RIT2: variants seen among roughly 807,000 people sequenced by gnomAD.
RIT2 encodes GTP-binding protein Rit2.
Under a neutral mutation model 23.7 loss-of-function variants are expected in RIT2, and 24 were observed. The ratio of observed to expected loss-of-function variants is 1.01; its 90% CI spans 0.73 to 1.43. The LOEUF (loss-of-function observed/expected upper bound fraction) is 1.43, where lower values mean the gene tolerates loss of function less well. RIT2 is among the 40% of genes most tolerant of loss of function. The pLI, the probability that RIT2 is intolerant of heterozygous loss-of-function variation, is 0.00. For synonymous variants in RIT2, 107 were observed against 91.1 expected (o/e 1.17, Z -0.99); for missense variants, 236 against 266.9 (o/e 0.88, Z 0.81).
intron 3 of RIT2, among the ~76,000 whole-genome samples, chr18:42,957,910 G>A (rs1376059943): frequency 6.6e-6 from 1 of 152,146 alleles, no homozygotes; most frequent in Non-Finnish European, 1.5e-5. Flanking sequence ...ACCTGTCGGA[G>A]AGAGCTTCAG....
chr18:42,813,533 A>G (rs1028600118), intron 4 of RIT2, among the ~76,000 whole-genome samples: 3 of 152,190 alleles, frequency 2.0e-5, no homozygotes, highest in Admixed American at 6.5e-5. Flanking sequence ...CATATTTTCA[A>G]TATATCAAAA....
intron 4 of RIT2, among the ~76,000 whole-genome samples, chr18:42,756,677 G>A (rs1458118942): frequency 2.0e-5 from 3 of 152,008 alleles, no homozygotes; most frequent in Non-Finnish European, 4.4e-5. Flanking sequence ...ATACATGTAT[G>A]TGCATGCCTA....
chr18:42,945,446 C>A (rs779369655), intron 3 of RIT2, among the ~76,000 whole-genome samples: 11 of 151,844 alleles, frequency 7.2e-5, no homozygotes, highest in Admixed American at 3.3e-4. Flanking sequence ...AAAGGCAAAA[C>A]ATAGACTGGC....
intron 4 of RIT2, among the ~76,000 whole-genome samples, chr18:42,760,160 A>G (rs7245114): frequency 0.039 from 5,938 of 152,196 alleles, 358 homozygotes; most frequent in African/African-American, 0.13. Flanking sequence ...GATTGTGGGG[A>G]TATTATATGT....
chr18:42,743,398 G>C lies in RIT2; in HGVS notation c.*95C>G, dbSNP rs1912837834. The C allele has an allele frequency of 1.2e-6, 1 of 863,876 alleles. No homozygotes were observed. Among genetic ancestry groups the C allele is most frequent in the African/African-American group, 1.7e-5 (1 of 59,064 alleles). 53.5% of individuals were successfully genotyped at this position (863,876 alleles called of 1,614,324 possible). A position where few individuals can be genotyped will look rare whatever the true frequency, so the allele number is the denominator to read the frequency against. On this transcript the variant is annotated 3_prime_UTR_variant, in exon 5 of 5. Transcript: ENST00000326695. ...ACAGGCAGATATTTAAAGAGAGAGA[G>C]ACACATAGAGAGATAATATTGAAGC...
intron 4 of RIT2, among the ~76,000 whole-genome samples, chr18:42,827,536 G>T (rs1906329347): frequency 6.6e-6 from 1 of 151,514 alleles, no homozygotes; most frequent in South Asian, 2.1e-4. Flanking sequence ...AAAAAACTAG[G>T]GAAGATATTT....
At position 42,974,158 on chromosome 18, in the gene RIT2, C is replaced by G; in HGVS notation, c.161-11G>C. 1 of 1,591,536 alleles carries G rather than the reference C, an allele frequency of 6.3e-7. No homozygotes were observed. The highest frequency in any genetic ancestry group is 8.6e-7 in the Non-Finnish European group (1 of 1,161,438). ...TCTTATAAGCATCTTCTGAAAAACA[C>G]AAGACAACATTTACATTTAAATGTG... On this transcript the variant is annotated splice_polypyrimidine_tract_variant and intron_variant, in intron 2 of 4. Coordinates refer to ENST00000326695, the MANE Select transcript of RIT2 (RefSeq NM_002930.4).
At chr18:42,866,121 C>T (rs1907462973) in intron 4 of RIT2, among the ~76,000 whole-genome samples, 1 of 152,130 alleles carries the variant, frequency 6.6e-6, no homozygotes, top group Non-Finnish European at 1.5e-5. Flanking sequence ...TGCCTTGGAC[C>T]TGAGTGGGTG....
At chr18:42,893,915 C>A (rs1437625160) in intron 4 of RIT2, among the ~76,000 whole-genome samples, 5 of 152,120 alleles carry the variant, frequency 3.3e-5, no homozygotes, top group Non-Finnish European at 4.4e-5. Context: ...ACAATTGACA[C>A]TGAAATGTGA....
intron 4 of RIT2, among the ~76,000 whole-genome samples, chr18:42,759,284 T>C (rs1404094487): frequency 6.6e-6 from 1 of 152,182 alleles, no homozygotes; most frequent in Non-Finnish European, 1.5e-5. Context: ...AATGACCATT[T>C]CTGTCAATGT....
intron 3 of RIT2, among the ~76,000 whole-genome samples, chr18:42,934,185 T>C (rs192567008): frequency 1.3e-3 from 194 of 152,164 alleles, no homozygotes; most frequent in Non-Finnish European, 2.5e-3. Flanking sequence ...AAAAAATCAT[T>C]GTTTGTTCTA....
chr18:43,002,102 A>C (rs2144243183), intron 2 of RIT2, among the ~76,000 whole-genome samples: 1 of 152,130 alleles, frequency 6.6e-6, no homozygotes, highest in East Asian at 1.9e-4. Flanking sequence ...CCTCAAAAGT[A>C]GAGAAGCTGA....
chr18:43,060,895 A>G (rs933438321), intron 1 of RIT2, among the ~76,000 whole-genome samples: 3 of 152,154 alleles, frequency 2.0e-5, no homozygotes, highest in African/African-American at 7.2e-5. Context: ...CCTACAGTTT[A>G]TAATGAGTAC....
At chr18:42,958,970 G>T (rs1312569907) in intron 3 of RIT2, among the ~76,000 whole-genome samples, 1 of 152,010 alleles carries the variant, frequency 6.6e-6, no homozygotes, top group East Asian at 1.9e-4. Context: ...TCCCTTATCT[G>T]CCTCCTGAAC....
chr18:42,886,375 A>G (rs2144086954), intron 4 of RIT2, among the ~76,000 whole-genome samples: 1 of 152,318 alleles, frequency 6.6e-6, no homozygotes, highest in African/African-American at 2.4e-5. Context: ...TATGCTAGAC[A>G]TGACAGATAT....
At chr18:42,959,820 T>C (rs1910055675) in intron 3 of RIT2, among the ~76,000 whole-genome samples, 1 of 152,184 alleles carries the variant, frequency 6.6e-6, no homozygotes, top group South Asian at 2.1e-4. Flanking sequence ...AATGCAGCCA[T>C]TTATTATATG....
chr18:42,781,975 C>T (rs1207829959), intron 4 of RIT2, among the ~76,000 whole-genome samples: 1 of 152,114 alleles, frequency 6.6e-6, no homozygotes, highest in Non-Finnish European at 1.5e-5. Context: ...TTTTCTTATG[C>T]AACAGCAAAT....
intron 2 of RIT2, among the ~76,000 whole-genome samples, chr18:42,986,562 C>T (rs772055229): frequency 1.1e-4 from 17 of 151,922 alleles, no homozygotes; most frequent in Non-Finnish European, 1.9e-4. Flanking sequence ...AGTGCAGTGG[C>T]ATGATCTCAG....
chr18:43,062,034 A>C (rs1361662100), intron 1 of RIT2, among the ~76,000 whole-genome samples: 1 of 152,066 alleles, frequency 6.6e-6, no homozygotes, highest in Non-Finnish European at 1.5e-5. Context: ...AGGAGAGAAG[A>C]AGCCATGGGA....
Sources: allele counts gnomAD v4.1 joint callset (sites outside exome capture counted in the v4.1 genomes callset), GRCh38; gene constraint gnomAD v4.1.1; transcripts MANE v1.5; gene names NCBI Gene and HGNC (gene_info 2026-07-23, HGNC 2026-07-21).